EPG5: variants seen among roughly 807,000 people sequenced by gnomAD.
The protein encoded by EPG5 is ectopic P granules protein 5 homolog.
Under a neutral mutation model 302.7 loss-of-function variants are expected in EPG5, and 159 were observed. That is an observed-to-expected ratio of 0.53 (90% CI 0.46 to 0.60). The LOEUF is 0.60. Ranked by LOEUF, EPG5 falls within the 20% of genes least tolerant of loss-of-function variation. The pLI is 0.00. For missense variants in EPG5, 2,896 were observed against 3,092.4 expected, an observed-to-expected ratio of 0.94 and a Z score of 1.51; for synonymous variants, 1,158 against 1,136.8, an observed-to-expected ratio of 1.02 and a Z score of -0.37.
intron 1 of EPG5, among the ~76,000 whole-genome samples, chr18:45,965,463 GA>G (rs1038769823): frequency 1.3e-5 from 2 of 150,522 alleles, no homozygotes; most frequent in African/African-American, 2.4e-5. Context: ...AAGTTGGAAA[GA>G]AAAAAAAAGA....
At chr18:45,811,954 T>C in the EPG5 span, among the ~76,000 whole-genome samples, 1 of 152,056 alleles carries the variant, frequency 6.6e-6, no homozygotes, top group Non-Finnish European at 1.5e-5. Context: ...GGGTATTCAA[T>C]TAGGAAAAGA....
intron 39 of EPG5, among the ~76,000 whole-genome samples, chr18:45,864,136 C>T (rs1177753006): frequency 6.6e-6 from 1 of 152,146 alleles, no homozygotes; most frequent in African/African-American, 2.4e-5. Context: ...TGGGGTCTCA[C>T]TATTTTGCCC....
At chr18:45,921,754 T>C (rs939063827) in intron 16 of EPG5, among the ~76,000 whole-genome samples, 9 of 151,836 alleles carry the variant, frequency 5.9e-5, no homozygotes, top group African/African-American at 1.2e-4. Context: ...TAGGTGGAAA[T>C]TGAACAATGA....
intron 27 of EPG5, among the ~76,000 whole-genome samples, chr18:45,898,508 C>G (rs2049530808): frequency 1.3e-5 from 2 of 152,206 alleles, no homozygotes. Flanking sequence ...CAAATTCTGC[C>G]TATATTCCAG....
At chr18:45,951,737 G>A (rs1599643072) in intron 3 of EPG5, among the ~76,000 whole-genome samples, 2 of 152,232 alleles carry the variant, frequency 1.3e-5, no homozygotes, top group South Asian at 4.1e-4. Context: ...GGGATTACAG[G>A]TGTGAGCCAC....
the EPG5 span, chr18:45,838,591 C>A: frequency 3.1e-6 from 4 of 1,276,294 alleles, no homozygotes; most frequent in Non-Finnish European, 3.1e-6. Flanking sequence ...TGTATTGGGA[C>A]GGGGGCAGCC....
chr18:45,892,176 A>C (rs1306804814), intron 27 of EPG5, among the ~76,000 whole-genome samples: 1 of 152,090 alleles, frequency 6.6e-6, no homozygotes, highest in African/African-American at 2.4e-5. Flanking sequence ...CTAAAATAAA[A>C]CCAGGTGGTT....
chr18:45,899,335 CT>C (rs1190505475), intron 27 of EPG5, 68 bp downstream of exon 27: 13 of 1,567,896 alleles, frequency 8.3e-6, no homozygotes, highest in Non-Finnish European at 1.1e-5. Flanking sequence ...TTCAATCTTT[CT>C]CATTGATAAG....
chr18:45,966,324 C>T lies in EPG5; in HGVS notation c.63+853G>A, dbSNP rs185989840. 7.6e-3 allele frequency among the ~76,000 whole-genome samples: 1,127 copies of T among 148,340 alleles called. 9 individuals are homozygous for T. The highest frequency in any genetic ancestry group is 0.026 in the African/African-American group (1,039 of 39,942). On this transcript the variant is annotated intron_variant, in intron 1 of 43. Coordinates refer to ENST00000282041, the MANE Select transcript of EPG5 (RefSeq NM_020964.3). ...CTGGGAGGCGGAGCTTGCAGTGAGC[C>T]GAGATCGCGCCACTGCACTCCGGCC...
chr18:45,883,614 G>GTTTTTTT (rs1174930322), intron 30 of EPG5, among the ~76,000 whole-genome samples: 1 of 60,718 alleles, frequency 1.6e-5, no homozygotes, highest in African/African-American at 5.9e-5. Flanking sequence ...CTAGCCTGGT[G>GTTTTTTT]TTTTTTTTTT....
chr18:45,898,356 G>A (rs1273731163), intron 27 of EPG5, among the ~76,000 whole-genome samples: 3 of 152,186 alleles, frequency 2.0e-5, no homozygotes, highest in African/African-American at 4.8e-5. Context: ...AAGATAATAT[G>A]ATAAAGGCCA....
At position 45,922,475 on chromosome 18, in the gene EPG5, ACAATTCGGCTGTATTC is replaced by A. The variant is rs763426384; in HGVS notation, c.2948_2963del (p.Gly983ValfsTer13). 3.1e-6 allele frequency: 5 copies of A among 1,614,268 alleles called. No homozygotes were observed. In the South Asian group the frequency reaches 5.5e-5, roughly 18 times the overall value. ...CAGTGACGGAGAAGGGAACAGCTGG[ACAATTCGGCTGTATTC>A]CATAATCGTTTTTGTGCAGTTTTAG... On this transcript the variant is annotated frameshift_variant, in exon 16 of 44. Coordinates refer to ENST00000282041, the MANE Select transcript of EPG5 (RefSeq NM_020964.3). LOFTEE classifies it high-confidence loss of function.
At chr18:45,880,639 G>A (rs919654642) in intron 31 of EPG5, among the ~76,000 whole-genome samples, 2 of 152,136 alleles carry the variant, frequency 1.3e-5, no homozygotes, top group Non-Finnish European at 2.9e-5. Flanking sequence ...GGGCTCTCCA[G>A]AAGGAGTCTC....
chr18:45,875,737 A>T (rs2048954655), intron 35 of EPG5, among the ~76,000 whole-genome samples: 1 of 152,280 alleles, frequency 6.6e-6, no homozygotes. Flanking sequence ...ACTCAGAGCA[A>T]CCTAACAAAA....
chr18:45,829,991 G>T, the EPG5 span, among the ~76,000 whole-genome samples: 1 of 152,174 alleles, frequency 6.6e-6, no homozygotes, highest in Non-Finnish European at 1.5e-5. Context: ...TTTCCTGTCT[G>T]TGACACCCTG....
intron 42 of EPG5, among the ~76,000 whole-genome samples, chr18:45,856,645 G>A (rs1334545497): frequency 3.3e-5 from 5 of 152,072 alleles, no homozygotes; most frequent in East Asian, 1.9e-4. Context: ...ATCTTCCACC[G>A]CAAACAAAAA....
intron 9 of EPG5, among the ~76,000 whole-genome samples, chr18:45,940,038 T>G (rs991632176): frequency 6.6e-6 from 1 of 151,740 alleles, no homozygotes; most frequent in Non-Finnish European, 1.5e-5. Context: ...GAGAAAGGAA[T>G]AAAGTATGTC....
chr18:45,905,801 C>G (rs1357565545), intron 24 of EPG5, among the ~76,000 whole-genome samples: 1 of 152,130 alleles, frequency 6.6e-6, no homozygotes. Context: ...TCTCAGAGAA[C>G]CAAGAAAGCT....
chr18:45,963,684 T>C (rs1302481674), intron 1 of EPG5, among the ~76,000 whole-genome samples: 1 of 152,116 alleles, frequency 6.6e-6, no homozygotes, highest in Non-Finnish European at 1.5e-5. Context: ...GTGGTAGAAC[T>C]GAGGCTGAGG....
Sources: gnomAD v4.1 joint callset for allele counts (sites outside exome capture counted in the v4.1 genomes callset) on GRCh38, gnomAD v4.1.1 for gene constraint, MANE v1.5 for transcripts, NCBI Gene and HGNC (gene_info 2026-07-23, HGNC 2026-07-21) for gene names.